ZNF609: variants seen among roughly 807,000 people sequenced by gnomAD.
ZNF609 encodes zinc finger protein 609.
A neutral mutation model predicts 109.5 loss-of-function variants in ZNF609; 11 were observed. The ratio of observed to expected loss-of-function variants is 0.10; its 90% confidence interval spans 0.06 to 0.17. ZNF609 has a LOEUF of 0.17. Ranked by LOEUF, ZNF609 falls within the 10% of genes least tolerant of loss-of-function variation. The probability of loss-of-function intolerance (pLI) is 1.00; values close to 1 mark genes in which losing one functional copy is unlikely to be tolerated. For synonymous variants in ZNF609, 646 were observed against 662.0 expected (o/e 0.98, Z 0.37); for missense variants, 1,559 against 1,772.4 (o/e 0.88, Z 2.16).
At chr15:64,633,483 T>A (rs986567012) in intron 3 of ZNF609, among the ~76,000 whole-genome samples, 11 of 152,096 alleles carry the variant, frequency 7.2e-5, no homozygotes, top group African/African-American at 2.7e-4. Context: ...TCTCACTGTG[T>A]TGCTCAGGCT....
Position 64,675,106 on chromosome 15 carries a change from G to A in ZNF609, c.2252G>A (p.Cys751Tyr). The change falls in exon 5 of 10, where the codon TGT becomes TAT. Residue 751 changes from cysteine (C) to tyrosine (Y), a missense_variant. Cys to Tyr is a radical substitution (Grantham distance 194). Around this residue, in one of 4 missense-constraint regions of ZNF609, gnomAD observed 1,204 missense variants for 1,314.1 expected, o/e 0.92. Coordinates refer to ENST00000326648, the MANE Select transcript of ZNF609 (RefSeq NM_015042.2). ...AGTCCTCTGACCCCTGGGAAGGTGT[G>A]TCGAGCAGAGGAAGGCAAAAGCCCA... ...LESPLTPGKV[C>Y]RAEEGKSPFR... The A allele has an allele frequency of 6.2e-7, 1 of 1,614,178 alleles. No homozygotes were observed. The highest frequency in any genetic ancestry group is 8.5e-7 in the Non-Finnish European group (1 of 1,180,036).
chr15:64,640,898 G>A (rs1330482314), intron 3 of ZNF609, among the ~76,000 whole-genome samples: 8 of 152,180 alleles, frequency 5.3e-5, no homozygotes, highest in Non-Finnish European at 4.4e-5. Flanking sequence ...ATAGATGGGA[G>A]GAGGAACTGT....
chr15:64,515,710 G>A (rs760991741), intron 2 of ZNF609, among the ~76,000 whole-genome samples: 1 of 152,090 alleles, frequency 6.6e-6, no homozygotes. Flanking sequence ...GCCGAGGCAG[G>A]CGAATAACCT....
chr15:64,633,478 C>T (rs1371552365), intron 3 of ZNF609, among the ~76,000 whole-genome samples: 1 of 152,120 alleles, frequency 6.6e-6, no homozygotes, highest in Non-Finnish European at 1.5e-5. Flanking sequence ...TGAGATCTCA[C>T]TGTGTTGCTC....
Position 64,675,764 on chromosome 15 carries a change from G to T in ZNF609, c.2910G>T (p.Gln970His). Residue 970 changes from glutamine to histidine, a missense_variant, in exon 5 of 10, where the codon CAG becomes CAT. This residue lies in a region of ZNF609 where 1,204 missense variants were observed against 1,314.1 expected (regional missense o/e 0.92). Transcript: ENST00000326648. ...AGCAGCGTCCCAATATGTACATGCAGTCCCTGTACTACAACCAGTATGCCT... is the reference window on the plus strand; with the variant it reads ...AGCAGCGTCCCAATATGTACATGCATTCCCTGTACTACAACCAGTATGCCT... ...VIQQRPNMYMQSLYYNQYAYV... is the reference protein window; with the variant it reads ...VIQQRPNMYMHSLYYNQYAYV... 1 of 1,614,218 alleles carries T rather than the reference G, an allele frequency of 6.2e-7. No homozygotes were observed. The highest frequency in any genetic ancestry group is 1.3e-5 in the African/African-American group (1 of 75,056).
At chr15:64,641,893 A>G (rs1896265274) in intron 3 of ZNF609, among the ~76,000 whole-genome samples, 1 of 152,194 alleles carries the variant, frequency 6.6e-6, no homozygotes, top group East Asian at 1.9e-4. Context: ...TCTCTTTGGA[A>G]GTATCCTCTC....
At chr15:64,472,415 T>A (rs1348932733) in intron 1 of ZNF609, among the ~76,000 whole-genome samples, 2 of 152,162 alleles carry the variant, frequency 1.3e-5, no homozygotes, top group African/African-American at 4.8e-5. Context: ...AGTTCAGTAT[T>A]TGTGGAGAAA....
intron 2 of ZNF609, among the ~76,000 whole-genome samples, chr15:64,573,402 T>C (rs1020244120): frequency 8.0e-6 from 1 of 125,384 alleles, no homozygotes; most frequent in Non-Finnish European, 1.6e-5. Context: ...TCGCCCAGGC[T>C]GGAGTGCAGT....
intron 2 of ZNF609, chr15:64,500,537 A>G: frequency 1.6e-6 from 1 of 613,062 alleles, no homozygotes; most frequent in Non-Finnish European, 2.9e-6. Flanking sequence ...GCATTTCATC[A>G]TCAGACTCAT....
intron 2 of ZNF609, among the ~76,000 whole-genome samples, chr15:64,588,261 C>A (rs1595729487): frequency 7.6e-6 from 1 of 132,318 alleles, no homozygotes; most frequent in Non-Finnish European, 1.6e-5. Context: ...ACTAAAAATA[C>A]AAAAAAAAAA....
chr15:64,477,479 T>C (rs1370437341), intron 1 of ZNF609, among the ~76,000 whole-genome samples: 1 of 151,952 alleles, frequency 6.6e-6, no homozygotes, highest in African/African-American at 2.4e-5. Flanking sequence ...ACTTCATTAT[T>C]TTTCTTGTTA....
At chr15:64,573,099 G>A (rs985989456) in intron 2 of ZNF609, among the ~76,000 whole-genome samples, 3 of 152,056 alleles carry the variant, frequency 2.0e-5, no homozygotes, top group South Asian at 2.1e-4. Flanking sequence ...CAGTGCCAAC[G>A]TGTAGCAGAC....
intron 2 of ZNF609, among the ~76,000 whole-genome samples, chr15:64,616,812 C>CTTGTTT (rs1895805805): frequency 6.1e-5 from 2 of 32,826 alleles, no homozygotes; most frequent in East Asian, 2.4e-3. Flanking sequence ...AGCCACCATG[C>CTTGTTT]TTTTTTTTTT....
At chr15:64,535,369 C>G (rs982341988) in intron 2 of ZNF609, among the ~76,000 whole-genome samples, 2 of 152,064 alleles carry the variant, frequency 1.3e-5, no homozygotes, top group South Asian at 4.2e-4. Flanking sequence ...TGAATCGTAC[C>G]ATATGTAACC....
rs77686002 is a variant in ZNF609 at position 64,645,567 on chromosome 15, T to C, written c.973+22515T>C. Among the ~76,000 whole-genome samples, 13 of 152,240 alleles carry C rather than the reference T, an allele frequency of 8.5e-5. No homozygotes were observed. The East Asian group carries it at 2.1e-3, about 25-fold the overall frequency. ...TGGATTTCATCAAAACTAATAACTT[T>C]TGTTTATCAAAGGATACTACCAAGA... On this transcript the variant is annotated intron_variant, in intron 3 of 9. Coordinates refer to ENST00000326648, the MANE Select transcript of ZNF609 (RefSeq NM_015042.2).
intron 2 of ZNF609, among the ~76,000 whole-genome samples, chr15:64,585,658 A>G (rs1320518148): frequency 7.2e-5 from 11 of 152,138 alleles, no homozygotes; most frequent in Non-Finnish European, 1.3e-4. Flanking sequence ...TTGACACCTA[A>G]TTGAGCACTC....
intron 2 of ZNF609, among the ~76,000 whole-genome samples, chr15:64,571,917 C>T (rs1458226906): frequency 6.6e-6 from 1 of 152,242 alleles, no homozygotes; most frequent in South Asian, 2.1e-4. Context: ...AGTGATCTCA[C>T]AAAGTGCTGG....
At chr15:64,515,854 C>T (rs909374617) in intron 2 of ZNF609, among the ~76,000 whole-genome samples, 1 of 151,776 alleles carries the variant, frequency 6.6e-6, no homozygotes, top group Non-Finnish European at 1.5e-5. Context: ...AGGATAATTG[C>T]TCGAACCTGG....
At position 64,675,920 on chromosome 15, in the gene ZNF609, C is replaced by T. The variant is rs1472707776; in HGVS notation, c.3066C>T (p.Asp1022=). The T allele has an allele frequency of 2.5e-6, 4 of 1,614,012 alleles. No homozygotes were observed. Among genetic ancestry groups the T allele is most frequent in the Non-Finnish European group, 2.5e-6 (3 of 1,180,034 alleles). ...QSLEQQQRGV[D]KKAEMGLKER... ...TAGAGCAGCAGCAGCGGGGAGTGGA[C>T]AAGAAGGCAGAGATGGGCCTGAAGG... The change falls in exon 5 of 10, where the codon GAC becomes GAT. Residue 1022 remains aspartate (D), a synonymous_variant. Transcript: ENST00000326648.
Sources: allele counts gnomAD v4.1 joint callset (sites outside exome capture counted in the v4.1 genomes callset), GRCh38; gene constraint gnomAD v4.1.1; regional missense constraint gnomAD v4.1.1; transcripts MANE v1.5; gene names NCBI Gene and HGNC (gene_info 2026-07-23, HGNC 2026-07-21).